DTL: variants seen among roughly 807,000 people sequenced by gnomAD.
DTL encodes denticleless protein homolog.
DTL carries 46 observed loss-of-function variants against 87.0 expected under a neutral mutation model. The observed-to-expected ratio is 0.53, with a 90% CI of 0.42 to 0.68. DTL has a LOEUF of 0.68. Ranked by LOEUF, DTL falls within the 30% of genes least tolerant of loss-of-function variation. The pLI is 0.00. For missense variants in DTL, 737 were observed against 869.4 expected, an observed-to-expected ratio of 0.85 and a Z score of 1.91; for synonymous variants, 308 against 311.2, an observed-to-expected ratio of 0.99 and a Z score of 0.11.
chr1:212,091,574 G>C (rs919360727), intron 13 of DTL, among the ~76,000 whole-genome samples: 1 of 152,156 alleles, frequency 6.6e-6, no homozygotes, highest in Admixed American at 6.5e-5. Flanking sequence ...AAGACAATAT[G>C]ATGTATATAC....
intron 13 of DTL, among the ~76,000 whole-genome samples, chr1:212,091,285 C>T (rs948617682): frequency 6.6e-6 from 1 of 151,978 alleles, no homozygotes; most frequent in Non-Finnish European, 1.5e-5. Flanking sequence ...TAGCTTTTAT[C>T]AAAAAGACAA....
chr1:212,036,540 G>A (rs1480955648), intron 1 of DTL, among the ~76,000 whole-genome samples: 6 of 152,158 alleles, frequency 3.9e-5, no homozygotes, highest in African/African-American at 1.2e-4. Flanking sequence ...ATAGATTGAA[G>A]TATATTATTC....
intron 13 of DTL, among the ~76,000 whole-genome samples, chr1:212,096,840 A>T (rs1655466537): frequency 6.6e-6 from 1 of 152,222 alleles, no homozygotes; most frequent in Non-Finnish European, 1.5e-5. Context: ...GATGAATAGA[A>T]TGTATATTCT....
chr1:212,035,910 T>C lies in DTL; in HGVS notation c.20T>C (p.Leu7Pro), dbSNP rs755847733. 6.8e-6 allele frequency: 11 copies of C among 1,614,024 alleles called. No homozygotes were observed. In the Admixed American group the frequency reaches 1.7e-4, roughly 24 times the overall value. Reference sequence around the variant, plus strand: ...ACCCTGATGCTCTTCAATTCGGTGCTCCGCCAGCCCCAGCTTGGCGTCCTG... The same window carrying C: ...ACCCTGATGCTCTTCAATTCGGTGCCCCGCCAGCCCCAGCTTGGCGTCCTG... Reference protein sequence around the residue: MLFNSVLRQPQLGVLRN... With the variant: MLFNSVPRQPQLGVLRN... The change falls in exon 1 of 15, where the codon CTC (leucine) becomes CCC (proline). Residue 7 changes from leucine (L) to proline (P), a missense_variant. Physicochemically the swap from Leu to Pro is moderately conservative, Grantham distance 98. Coordinates refer to ENST00000366991, the MANE Select transcript of DTL (RefSeq NM_016448.4).
At chr1:212,069,870 T>A (rs1179944457) in intron 10 of DTL, among the ~76,000 whole-genome samples, 7 of 152,146 alleles carry the variant, frequency 4.6e-5, no homozygotes, top group African/African-American at 1.4e-4. Flanking sequence ...AGCTGAGATC[T>A]TACAGAATTT....
intron 12 of DTL, among the ~76,000 whole-genome samples, chr1:212,079,874 C>T (rs1053555677): frequency 2.8e-4 from 43 of 152,056 alleles, no homozygotes; most frequent in Admixed American, 8.5e-4. Context: ...TTTTTTCTTT[C>T]TCTTTAGTGA....
intron 11 of DTL, among the ~76,000 whole-genome samples, chr1:212,076,396 T>C (rs1654831391): frequency 6.6e-6 from 1 of 152,186 alleles, no homozygotes; most frequent in Non-Finnish European, 1.5e-5. Flanking sequence ...TCTCTTTCTT[T>C]TTTCTCTGAA....
chr1:212,058,393 A>C (rs954353106), intron 5 of DTL, among the ~76,000 whole-genome samples: 1 of 152,196 alleles, frequency 6.6e-6, no homozygotes, highest in South Asian at 2.1e-4. Flanking sequence ...GAAATCAACA[A>C]CAAAAGGAAG....
intron 5 of DTL, among the ~76,000 whole-genome samples, chr1:212,059,153 A>G (rs1413514109): frequency 6.6e-6 from 1 of 152,196 alleles, no homozygotes; most frequent in South Asian, 2.1e-4. Context: ...AAGGATGGGA[A>G]TTCTCCCTAA....
chr1:212,104,119 T>C lies in DTL; in HGVS notation c.*1179T>C, dbSNP rs1218235615. ...TTATGTATCAGTGATCTTGAACCAT[T>C]GTTTTATATTTTTCACCTTTGTAAC... is the stretch of plus-strand genomic sequence containing the variant. On this transcript the variant is annotated 3_prime_UTR_variant, in exon 15 of 15. Coordinates refer to ENST00000366991, the MANE Select transcript of DTL (RefSeq NM_016448.4). 4 of 152,206 alleles carry C rather than the reference T, an allele frequency of 2.6e-5. No individual in the cohort carries two copies. The highest frequency in any genetic ancestry group is 2.6e-4 in the Admixed American group (4 of 15,286). 9.4% of individuals were successfully genotyped at this position (152,206 alleles called of 1,614,324 possible). A position where few individuals can be genotyped will look rare whatever the true frequency, so the allele number is the denominator to read the frequency against.
rs111861063 is a variant in DTL at position 212,076,300 on chromosome 1, T to G, written c.1036-1873T>G. Among the ~76,000 whole-genome samples the G allele has an allele frequency of 1.1e-4, 16 of 152,298 alleles. 1 individual carries two copies. Among genetic ancestry groups the G allele is most frequent in the African/African-American group, 3.8e-4 (16 of 41,580 alleles). ...TTTCTGAGGAAACTTCCCCCCACTTTTAATGCTATGTAAAGTGCCTGGCTT... is the reference window on the plus strand; with the variant it reads ...TTTCTGAGGAAACTTCCCCCCACTTGTAATGCTATGTAAAGTGCCTGGCTT... On this transcript the variant is annotated intron_variant, in intron 11 of 14. Transcript: ENST00000366991.
rs532118681 is a variant in DTL, at chr1:212,051,402, A to G, written c.460+3985A>G. 250 of 493,966 alleles carry G rather than the reference A, an allele frequency of 5.1e-4. No individual in the cohort carries two copies. In the African/African-American group the frequency reaches 6.3e-3, roughly 13 times the overall value. The allele number at this position is 493,966 out of a possible 1,614,324, so 30.6% of individuals were successfully genotyped here. ...CTTTACCTGAAAATGTCCTTATTTCATCATCATTCTCGAAGGACATTTTTG... is the reference window on the plus strand; with the variant it reads ...CTTTACCTGAAAATGTCCTTATTTCGTCATCATTCTCGAAGGACATTTTTG... On this transcript the variant is annotated intron_variant, in intron 5 of 14. Coordinates refer to ENST00000366991, the MANE Select transcript of DTL (RefSeq NM_016448.4).
chr1:212,091,849 A>ATC, intron 13 of DTL, among the ~76,000 whole-genome samples: 1 of 152,378 alleles, frequency 6.6e-6, no homozygotes, highest in South Asian at 2.1e-4. Flanking sequence ...GGCTTGATTT[A>ATC]ATCATTCTAC....
At chr1:212,079,299 G>A (rs1654925400) in intron 12 of DTL, among the ~76,000 whole-genome samples, 1 of 151,920 alleles carries the variant, frequency 6.6e-6, no homozygotes, top group African/African-American at 2.4e-5. Context: ...GAATTATTCA[G>A]TTAATTATGT....
intron 5 of DTL, among the ~76,000 whole-genome samples, chr1:212,056,868 A>G (rs967377620): frequency 1.4e-4 from 22 of 152,142 alleles, no homozygotes; most frequent in Non-Finnish European, 2.9e-5. Context: ...GAAAGCTTCA[A>G]CAATAGACTA....
chr1:212,042,956 C>A, intron 1 of DTL, 37 bp from the exon 2 acceptor site: 1 of 1,539,098 alleles, frequency 6.5e-7, no homozygotes. Context: ...AAATGTGATG[C>A]TGTATTGGAA....
intron 5 of DTL, among the ~76,000 whole-genome samples, chr1:212,050,988 A>G (rs566700332): frequency 2.4e-4 from 37 of 152,220 alleles, no homozygotes; most frequent in South Asian, 1.7e-3. Flanking sequence ...AATCTGTGAT[A>G]TCCCACTCCC....
intron 1 of DTL, among the ~76,000 whole-genome samples, chr1:212,039,777 T>C (rs544918232): frequency 6.6e-6 from 1 of 152,310 alleles, no homozygotes; most frequent in Non-Finnish European, 1.5e-5. Context: ...GGTAAGTATT[T>C]GTGTATTTAA....
intron 2 of DTL, among the ~76,000 whole-genome samples, chr1:212,043,506 G>T (rs1336710767): frequency 6.6e-6 from 1 of 152,112 alleles, no homozygotes; most frequent in Non-Finnish European, 1.5e-5. Context: ...CAGGCTCAGT[G>T]GCTCACACCT....
Sources: allele counts gnomAD v4.1 joint callset (sites outside exome capture counted in the v4.1 genomes callset), GRCh38; gene constraint gnomAD v4.1.1; transcripts MANE v1.5; gene names NCBI Gene and HGNC (gene_info 2026-07-23, HGNC 2026-07-21).